AFG2A: variants seen among roughly 807,000 people sequenced by gnomAD.
AFG2A encodes the protein AAA ATPase AFG2A.
chr4:123,070,922 C>T, the AFG2A span, among the ~76,000 whole-genome samples: 1 of 152,096 alleles, frequency 6.6e-6, no homozygotes, highest in African/African-American at 2.4e-5. Flanking sequence ...CTTACGATTA[C>T]TATAGATTTT....
the AFG2A span, among the ~76,000 whole-genome samples, chr4:123,214,420 T>C: frequency 6.6e-6 from 1 of 152,018 alleles, no homozygotes; most frequent in African/African-American, 2.4e-5. Flanking sequence ...AACCTAGCAA[T>C]AGGGCATTAA....
At chr4:123,147,915 CTT>C in the AFG2A span, among the ~76,000 whole-genome samples, 2 of 151,952 alleles carry the variant, frequency 1.3e-5, no homozygotes, top group African/African-American at 4.8e-5. Context: ...TGAGTGAACA[CTT>C]TTTAAAATTT....
chr4:122,998,196 G>T, the AFG2A span, among the ~76,000 whole-genome samples: 1 of 151,780 alleles, frequency 6.6e-6, no homozygotes, highest in East Asian at 1.9e-4. Flanking sequence ...TGTACCTTTG[G>T]TGTCACATTT....
the AFG2A span, among the ~76,000 whole-genome samples, chr4:123,212,050 A>G: frequency 2.0e-5 from 3 of 152,102 alleles, no homozygotes; most frequent in South Asian, 4.2e-4. Context: ...TGTTGTTGCT[A>G]TTGTTTTACC....
the AFG2A span, chr4:123,316,368 C>G: frequency 1.9e-4 from 29 of 152,170 alleles, no homozygotes; most frequent in Admixed American, 5.9e-4. Context: ...CAAGGGTCTG[C>G]CACACTGGAC....
chr4:123,169,104 G>A, the AFG2A span, among the ~76,000 whole-genome samples: 3 of 152,286 alleles, frequency 2.0e-5, no homozygotes, highest in Admixed American at 2.0e-4. Flanking sequence ...ATGGGGGGAA[G>A]GACAAAGTAA....
the AFG2A span, among the ~76,000 whole-genome samples, chr4:122,946,032 G>C: frequency 1.4e-4 from 21 of 152,304 alleles, no homozygotes; most frequent in African/African-American, 4.8e-4. Context: ...AGAATTCAGT[G>C]TTATTAGTAG....
the AFG2A span, chr4:122,933,427 A>T: frequency 6.2e-7 from 1 of 1,609,918 alleles, no homozygotes; most frequent in Non-Finnish European, 8.5e-7. Flanking sequence ...TTCCCTTCTT[A>T]TCCTTTTACA....
At chr4:123,298,724 G>A in the AFG2A span, among the ~76,000 whole-genome samples, 1 of 152,038 alleles carries the variant, frequency 6.6e-6, no homozygotes, top group Non-Finnish European at 1.5e-5. Context: ...TTTTCTTAAA[G>A]AAAACAAATC....
At chr4:123,111,352 A>G in the AFG2A span, among the ~76,000 whole-genome samples, 1 of 152,192 alleles carries the variant, frequency 6.6e-6, no homozygotes, top group South Asian at 2.1e-4. Context: ...CTCGTATTTT[A>G]CATTTAATAG....
the AFG2A span, among the ~76,000 whole-genome samples, chr4:122,939,000 G>A: frequency 2.0e-5 from 3 of 150,314 alleles, no homozygotes. Context: ...TGAGAATAAT[G>A]CGAAATGTTT....
At chr4:123,007,540 A>G in the AFG2A span, among the ~76,000 whole-genome samples, 33 of 108,328 alleles carry the variant, frequency 3.0e-4, no homozygotes, top group Non-Finnish European at 3.9e-4. Flanking sequence ...ATATATATAT[A>G]TGTGTATGTA....
chr4:122,992,975 T>TGC, the AFG2A span, among the ~76,000 whole-genome samples: 1 of 101,164 alleles, frequency 9.9e-6, no homozygotes, highest in East Asian at 3.4e-4. Context: ...TGTGTGTGTG[T>TGC]ATGTGTGTGT....
the AFG2A span, among the ~76,000 whole-genome samples, chr4:123,167,367 A>G: frequency 6.6e-6 from 1 of 151,466 alleles, no homozygotes; most frequent in Middle Eastern, 3.4e-3. Flanking sequence ...TTTGTTTTTG[A>G]GACGGAGTCT....
chr4:122,968,471 A>T, the AFG2A span, among the ~76,000 whole-genome samples: 2 of 152,130 alleles, frequency 1.3e-5, no homozygotes, highest in African/African-American at 2.4e-5. Context: ...CCAAAAGGCA[A>T]CCACTCTCCT....
chr4:123,154,961 C>G, the AFG2A span, among the ~76,000 whole-genome samples: 1 of 151,988 alleles, frequency 6.6e-6, no homozygotes. Flanking sequence ...CTGCCCCTGC[C>G]TGCTTCCCTC....
At chr4:123,067,385 C>T in the AFG2A span, among the ~76,000 whole-genome samples, 5 of 151,898 alleles carry the variant, frequency 3.3e-5, no homozygotes, top group East Asian at 7.7e-4. Context: ...GGCATGGTGG[C>T]GCACACCTGT....
At chr4:123,284,384 A>G in the AFG2A span, among the ~76,000 whole-genome samples, 1 of 152,246 alleles carries the variant, frequency 6.6e-6, no homozygotes, top group Non-Finnish European at 1.5e-5. Context: ...AACGATGTTC[A>G]GCTGTCTGGG....
the AFG2A span, chr4:123,314,639 C>A: frequency 2.6e-5 from 4 of 151,908 alleles, no homozygotes; most frequent in Non-Finnish European, 5.9e-5. Flanking sequence ...TTAATCTCTA[C>A]CTATGGCCAA....
Sources: gnomAD v4.1 joint callset for allele counts (sites outside exome capture counted in the v4.1 genomes callset) on GRCh38, gnomAD v4.1.1 for gene constraint, MANE v1.5 for transcripts, NCBI Gene and HGNC (gene_info 2026-07-23, HGNC 2026-07-21) for gene names.